The following ING4 variants were observed in gnomAD, a reference collection of about 807,000 sequenced individuals.
ING4 encodes the protein inhibitor of growth protein 4.
Under a neutral mutation model 33.1 loss-of-function variants are expected in ING4, and 28 were observed. That is an observed-to-expected ratio of 0.85 (90% CI 0.63 to 1.16). The LOEUF is 1.16. ING4 is among the 50% of genes most tolerant of loss of function. The pLI is 0.00. For synonymous variants in ING4, 87 were observed against 104.4 expected (o/e 0.83, Z 1.02); for missense variants, 247 against 314.7 (o/e 0.78, Z 1.63).
intron 1 of ING4, 22 bp downstream of exon 1, chr12:6,663,040 ACCC>A (rs779253099): frequency 5.0e-6 from 8 of 1,612,430 alleles, no homozygotes. Flanking sequence ...TGCAGCCCCG[ACCC>A]CCACCTCCAG....
intron 1 of ING4, among the ~76,000 whole-genome samples, chr12:6,657,475 T>G (rs188538581): frequency 6.6e-6 from 1 of 151,914 alleles, no homozygotes; most frequent in East Asian, 1.9e-4. Flanking sequence ...AAACAAAAAA[T>G]AAAGTGCAGC....
At chr12:6,653,149 A>G in intron 3 of ING4, 81 bp downstream of exon 3, 1 of 1,599,562 alleles carries the variant, frequency 6.3e-7, no homozygotes, top group South Asian at 1.1e-5. Flanking sequence ...CCCCAAACAG[A>G]TCCCAACACA....
At chr12:6,651,482 C>T in intron 6 of ING4, 97 bp from the exon 7 acceptor site, 1 of 1,002,016 alleles carries the variant, frequency 1.0e-6, no homozygotes, top group Non-Finnish European at 1.5e-6. Context: ...GTCCTTTACT[C>T]CATCCTTTTG....
chr12:6,654,950 T>A (rs1044463184), intron 2 of ING4, among the ~76,000 whole-genome samples: 2 of 152,024 alleles, frequency 1.3e-5, no homozygotes, highest in Non-Finnish European at 2.9e-5. Context: ...GTCTCGAAGT[T>A]CTGATCTCAA....
chr12:6,660,648 TA>T (rs201814087), intron 1 of ING4, among the ~76,000 whole-genome samples: 47 of 150,576 alleles, frequency 3.1e-4, no homozygotes, highest in African/African-American at 6.8e-4. Context: ...ATAAAATAAA[TA>T]AAAAAAAATA....
At position 6,652,973 on chromosome 12, in the gene ING4, T is replaced by C. The variant is rs748984479; in HGVS notation, c.354A>G (p.Ser118=). 1.9e-6 allele frequency: 3 copies of C among 1,614,020 alleles called. No homozygotes were observed. The highest frequency in any genetic ancestry group is 2.5e-6 in the Non-Finnish European group (3 of 1,180,018). The change falls in exon 4 of 8, where the codon TCA becomes TCG. Residue 118 remains serine (S), a synonymous_variant. Transcript: ENST00000341550. ...EADLKEKQIE[S]SDYDSSSSKG... ...TGCTGGAAGAGCTGTCATAGTCACTTGACTCAATCTGTTTCTCCTTGAGAT... is the reference window on the plus strand; with the variant it reads ...TGCTGGAAGAGCTGTCATAGTCACTCGACTCAATCTGTTTCTCCTTGAGAT...
chr12:6,660,182 G>A (rs1034149922), intron 1 of ING4, among the ~76,000 whole-genome samples: 3 of 152,094 alleles, frequency 2.0e-5, no homozygotes, highest in Non-Finnish European at 4.4e-5. Flanking sequence ...TCTACTTGCT[G>A]GGCACAGTGG....
rs1377191345 is a variant in ING4 at position 6,652,720 on chromosome 12, T to G, written c.439A>C (p.Lys147Gln). Residue 147 changes from lysine (K) to glutamine (Q), a missense_variant, in exon 5 of 8, where the codon AAA (lysine) becomes CAA (glutamine). Transcript: ENST00000341550. ...TTGGGGGCTTCTTCATCCGAGTTTT[T>G]CCCTTTGGAACGAGCACGAGCAGCT... Reference protein sequence around the residue: ...KKAARARSKGKNSDEEAPKTA... With the variant: ...KKAARARSKGQNSDEEAPKTA... 2 of 1,613,972 alleles carry G rather than the reference T, an allele frequency of 1.2e-6. No homozygotes were observed. The highest frequency in any genetic ancestry group is 1.7e-6 in the Non-Finnish European group (2 of 1,180,030).
intron 1 of ING4, among the ~76,000 whole-genome samples, chr12:6,659,227 T>C (rs1329031334): frequency 1.3e-5 from 2 of 152,146 alleles, no homozygotes; most frequent in African/African-American, 4.8e-5. Context: ...AAGACCAGCC[T>C]TGGCAGCCTG....
chr12:6,651,157 G>C lies in ING4; in HGVS notation c.*38C>G, dbSNP rs761224013. The C allele has an allele frequency of 1.9e-6, 3 of 1,611,222 alleles. No homozygotes were observed. In the Admixed American group the frequency reaches 5.0e-5, roughly 27 times the overall value. On this transcript the variant is annotated 3_prime_UTR_variant, in exon 8 of 8. Transcript: ENST00000341550. ...CTCTGCCCACTAGCCCAAGTCAGGG[G>C]ATGTGGAAGAAACTGTGTTGGAATC...
chr12:6,662,996 AC>A, intron 1 of ING4, 68 bp downstream of exon 1: 1 of 1,516,268 alleles, frequency 6.6e-7, no homozygotes, highest in Non-Finnish European at 9.1e-7. Context: ...CTTAAGGGCT[AC>A]AGATCCTCTC....
intron 1 of ING4, among the ~76,000 whole-genome samples, chr12:6,659,407 T>G (rs1332239196): frequency 2.0e-5 from 3 of 152,112 alleles, no homozygotes; most frequent in African/African-American, 7.2e-5. Flanking sequence ...CTTGGGAGGC[T>G]GAGGCACAAG....
At chr12:6,657,176 A>G (rs551072243) in intron 1 of ING4, among the ~76,000 whole-genome samples, 2 of 152,030 alleles carry the variant, frequency 1.3e-5, no homozygotes, top group East Asian at 3.9e-4. Context: ...ATGGCCAGGC[A>G]TGGTGGCTCA....
intron 1 of ING4, among the ~76,000 whole-genome samples, chr12:6,660,359 A>C (rs1009900886): frequency 6.6e-6 from 1 of 152,196 alleles, no homozygotes; most frequent in Non-Finnish European, 1.5e-5. Context: ...CTGTAATCCC[A>C]GCACTCTGGG....
At chr12:6,661,979 C>T (rs1214083795) in intron 1 of ING4, among the ~76,000 whole-genome samples, 1 of 152,194 alleles carries the variant, frequency 6.6e-6, no homozygotes, top group Non-Finnish European at 1.5e-5. Flanking sequence ...ATGCAAACTT[C>T]TTCGTTTGGC....
Position 6,651,072 on chromosome 12 carries a change from G to A in ING4, c.*123C>T. The A allele has an allele frequency of 9.2e-7, 1 of 1,090,022 alleles. No individual in the cohort carries two copies. The highest frequency in any genetic ancestry group is 1.4e-5 in the South Asian group (1 of 73,596). 67.5% of individuals were successfully genotyped at this position (1,090,022 alleles called of 1,614,324 possible). A position where few individuals can be genotyped will look rare whatever the true frequency, so the allele number is the denominator to read the frequency against. ...CGGGAGTGGGGAGAGGGGAGGAGAA[G>A]GGATGACAGCACTGTGCCATCCACT... On this transcript the variant is annotated 3_prime_UTR_variant, in exon 8 of 8. Coordinates refer to ENST00000341550, the MANE Select transcript of ING4 (RefSeq NM_016162.4).
intron 2 of ING4, among the ~76,000 whole-genome samples, chr12:6,653,690 C>T (rs1949257485): frequency 6.6e-6 from 1 of 152,146 alleles, no homozygotes; most frequent in Non-Finnish European, 1.5e-5. Flanking sequence ...GTATTTTTGT[C>T]CATGTTTGAA....
At position 6,653,001 on chromosome 12, in the gene ING4, G is replaced by A. The variant is rs193921122; in HGVS notation, c.326C>T (p.Ala109Val). 1 of 1,614,036 alleles carries A rather than the reference G, an allele frequency of 6.2e-7. No homozygotes were observed. The highest frequency in any genetic ancestry group is 2.2e-5 in the East Asian group (1 of 44,880). Residue 109 changes from alanine to valine, a missense_variant, in exon 4 of 8, where the codon GCT becomes GTT. Physicochemically the swap from Ala to Val is moderately conservative, Grantham distance 64. This residue lies in a region of ING4 where 198 missense variants were observed against 221.2 expected (regional missense o/e 0.89). Coordinates refer to ENST00000341550, the MANE Select transcript of ING4 (RefSeq NM_016162.4). ...CTCAATCTGTTTCTCCTTGAGATCA[G>A]CCTCAAAACGGGCCAGGTCTGTGTC... ...RLDTDLARFE[A>V]DLKEKQIESS...
Position 6,650,994 on chromosome 12 carries a change from C to A in ING4, c.*201G>T. The A allele has an allele frequency of 4.7e-6, 3 of 633,994 alleles. No individual in the cohort carries two copies. The highest frequency in any genetic ancestry group is 8.5e-6 in the Non-Finnish European group (3 of 353,608). 39.3% of individuals were successfully genotyped at this position (633,994 alleles called of 1,614,324 possible). On this transcript the variant is annotated 3_prime_UTR_variant, in exon 8 of 8. Coordinates refer to ENST00000341550, the MANE Select transcript of ING4 (RefSeq NM_016162.4). ...GGAGAGGGCTGAAGGAGAGCACATA[C>A]CGTTAGTGGCTGCGGCACCCCTCCC... is the stretch of plus-strand genomic sequence containing the variant.
Sources: allele counts gnomAD v4.1 joint callset (sites outside exome capture counted in the v4.1 genomes callset), GRCh38; gene constraint gnomAD v4.1.1; regional missense constraint gnomAD v4.1.1; transcripts MANE v1.5; gene names NCBI Gene and HGNC (gene_info 2026-07-23, HGNC 2026-07-21).